The following JAKMIP1 variants were observed in gnomAD, a reference collection of about 807,000 sequenced individuals.
JAKMIP1 encodes the protein janus kinase and microtubule-interacting protein 1.
A neutral mutation model predicts 113.0 loss-of-function variants in JAKMIP1; 33 were observed. The observed-to-expected ratio is 0.29, with a 90% CI of 0.22 to 0.39. The LOEUF (loss-of-function observed/expected upper bound fraction) is 0.39. Among genes scored for constraint, JAKMIP1 ranks in the 10% least tolerant of loss-of-function variants. The probability of loss-of-function intolerance (pLI) is 1.00; values close to 1 mark genes in which losing one functional copy is unlikely to be tolerated. For synonymous variants in JAKMIP1, 480 were observed against 459.9 expected, an observed-to-expected ratio of 1.04 and a Z score of -0.56; for missense variants, 813 against 1,080.5, an observed-to-expected ratio of 0.75 and a Z score of 3.47.
intron 4 of JAKMIP1, 62 bp from the exon 5 acceptor site, chr4:6,085,027 G>GT (rs1173336679): frequency 1.1e-5 from 16 of 1,469,754 alleles, no homozygotes; most frequent in African/African-American, 1.5e-5. Flanking sequence ...AAGAAGTTGT[G>GT]TGGAGCCTTC....
At chr4:6,111,113 G>C (rs932571055) in intron 2 of JAKMIP1, among the ~76,000 whole-genome samples, 1 of 151,720 alleles carries the variant, frequency 6.6e-6, no homozygotes, top group Non-Finnish European at 1.5e-5. Flanking sequence ...TGGCCATCCT[G>C]AGCTGGGGTT....
rs1268424902 is a variant in JAKMIP1 at position 6,141,796 on chromosome 4, G to A, written c.-147-28799C>T. ...CTGTCCACTCTTCGGCAACCTCCCT[G>A]GCCACTGAGCAGCCCGGTGGGAGCG... On this transcript the variant is annotated intron_variant, in intron 1 of 20. Coordinates refer to ENST00000409021, the MANE Select transcript of JAKMIP1 (RefSeq NM_001099433.2). The surrounding 1 kb of genome is among the most constrained non-coding windows in gnomAD (Gnocchi z 9.4). Among the ~76,000 whole-genome samples, 5 of 152,278 alleles carry A rather than the reference G, an allele frequency of 3.3e-5. No individual in the cohort carries two copies. In the East Asian group the frequency reaches 9.7e-4, roughly 29 times the overall value.
chr4:6,064,924 T>G lies in JAKMIP1; in HGVS notation c.1387A>C (p.Arg463=). 1 of 1,614,174 alleles carries G rather than the reference T, an allele frequency of 6.2e-7. No individual in the cohort carries two copies. Among genetic ancestry groups the G allele is most frequent in the Non-Finnish European group, 8.5e-7 (1 of 1,180,040 alleles). Residue 463 remains arginine (R), a synonymous_variant, in exon 9 of 21, where the codon AGG becomes CGG. Transcript: ENST00000409021. This position sits in a 1 kb window ranked among gnomAD's most constrained non-coding sequence, Gnocchi z 4.3. ...GGCGTGGCTGGGGTCCTGTCTGTCC[T>G]GTCTGTGTTGTAGGATGTTTCGGAC... The part of the protein sequence containing the change: ...TLSETSYNTD[R]TDRTPATPEE...
chr4:6,165,695 T>C (rs939737788), intron 1 of JAKMIP1, among the ~76,000 whole-genome samples: 1 of 152,238 alleles, frequency 6.6e-6, no homozygotes, highest in Non-Finnish European at 1.5e-5. Flanking sequence ...AACATAACTT[T>C]TACAGGCACT....
At chr4:6,160,836 C>T (rs1005447603) in intron 1 of JAKMIP1, among the ~76,000 whole-genome samples, 1 of 151,902 alleles carries the variant, frequency 6.6e-6, no homozygotes, top group Non-Finnish European at 1.5e-5. Context: ...CTGACCTCCA[C>T]TCACCTCCCC....
rs369974119 is a variant in JAKMIP1 at position 6,175,941 on chromosome 4, G to A, written c.-148+24312C>T. The stretch of plus-strand genomic sequence containing the variant: ...TAGCAGAGATAACGGTGCTACCACT[G>A]TCCACAGGGCTGTAAATTGAGAATC... On this transcript the variant is annotated intron_variant, in intron 1 of 20. Coordinates refer to ENST00000409021, the MANE Select transcript of JAKMIP1 (RefSeq NM_001099433.2). 3.9e-5 allele frequency among the ~76,000 whole-genome samples: 6 copies of A among 152,300 alleles called. No individual in the cohort carries two copies. The East Asian group carries it at 7.7e-4, about 20-fold the overall frequency.
At chr4:6,115,874 C>T (rs1307525042) in intron 1 of JAKMIP1, among the ~76,000 whole-genome samples, 1 of 152,142 alleles carries the variant, frequency 6.6e-6, no homozygotes, top group African/African-American at 2.4e-5. Flanking sequence ...TTTGGGCTGC[C>T]GGTGGGGGAA....
At chr4:6,113,934 A>ATGAG (rs35210094) in intron 1 of JAKMIP1, among the ~76,000 whole-genome samples, 1 of 152,116 alleles carries the variant, frequency 6.6e-6, no homozygotes, top group East Asian at 1.9e-4. Flanking sequence ...GCGTGAATGA[A>ATGAG]TGAGTGAGTG....
At position 6,094,242 on chromosome 4, in the gene JAKMIP1, C is replaced by A. The variant is rs111806990; in HGVS notation, c.625-8613G>T. On this transcript the variant is annotated intron_variant, in intron 3 of 20. Coordinates refer to ENST00000409021, the MANE Select transcript of JAKMIP1 (RefSeq NM_001099433.2). The surrounding 1 kb of genome is among the most constrained non-coding windows in gnomAD (Gnocchi z 4.2). ...CTGTGCTAGCCCTGGGTCTAGCTCA[C>A]AGCAGGTGCTCACCAAATGGAGTGC... 8.7e-3 allele frequency among the ~76,000 whole-genome samples: 1,319 copies of A among 152,334 alleles called. 18 individuals carry two copies. The highest frequency in any genetic ancestry group is 0.03 in the African/African-American group (1,240 of 41,558).
rs1253148143 is a variant in JAKMIP1 at position 6,116,812 on chromosome 4, T to C, written c.-147-3815A>G. ...ATGAATACATAAAACAATGATGGCT[T>C]GTGGTAGGTGCTGGAAAGAACAAGT... is the stretch of plus-strand genomic sequence containing the variant. On this transcript the variant is annotated intron_variant, in intron 1 of 20. Transcript: ENST00000409021. This position sits in a 1 kb window ranked among gnomAD's most constrained non-coding sequence, Gnocchi z 5.1. Among the ~76,000 whole-genome samples the C allele has an allele frequency of 6.6e-6, 1 of 152,134 alleles. No individual in the cohort carries two copies. Among genetic ancestry groups the C allele is most frequent in the Non-Finnish European group, 1.5e-5 (1 of 68,018 alleles).
In JAKMIP1 at chr4:6,199,598, C is replaced by T. The variant is rs1039733441; in HGVS notation, c.-148+655G>A. 1.3e-5 allele frequency among the ~76,000 whole-genome samples: 2 copies of T among 152,040 alleles called. No homozygotes were observed. Among genetic ancestry groups the T allele is most frequent in the African/African-American group, 4.8e-5 (2 of 41,444 alleles). The stretch of plus-strand genomic sequence containing the variant: ...GGCAGGAGGGTGGGTGCCAGCCTTT[C>T]TTCCCATCTCTCGAGCCTCCTCCCC... On this transcript the variant is annotated intron_variant, in intron 1 of 20. Transcript: ENST00000409021. This position sits in a 1 kb window ranked among gnomAD's most constrained non-coding sequence, Gnocchi z 5.6.
At chr4:6,109,074 T>C (rs899543391) in intron 2 of JAKMIP1, among the ~76,000 whole-genome samples, 5 of 151,072 alleles carry the variant, frequency 3.3e-5, no homozygotes, top group African/African-American at 1.2e-4. Flanking sequence ...TTAGAGAAAC[T>C]GCTGGGTCTA....
At chr4:6,096,401 G>T (rs967083330) in intron 3 of JAKMIP1, among the ~76,000 whole-genome samples, 1 of 152,146 alleles carries the variant, frequency 6.6e-6, no homozygotes, top group Admixed American at 6.5e-5. Context: ...TATACACTGA[G>T]GATGTTAACC....
intron 19 of JAKMIP1, among the ~76,000 whole-genome samples, chr4:6,034,773 C>T (rs139371269): frequency 6.6e-6 from 1 of 152,150 alleles, no homozygotes; most frequent in African/African-American, 2.4e-5. Flanking sequence ...TACACTCCAG[C>T]CTGGGTGATA....
Position 6,061,789 on chromosome 4 carries a change from C to T in JAKMIP1, c.1560+523G>A, listed in dbSNP as rs919640318. ...AGCAGGCCCCAGTCTATGTGACTCC[C>T]GAAGGTGGGAGAAGGGCCAGTGGAT... On this transcript the variant is annotated intron_variant, in intron 10 of 20. Coordinates refer to ENST00000409021, the MANE Select transcript of JAKMIP1 (RefSeq NM_001099433.2). This position sits in a 1 kb window ranked among gnomAD's most constrained non-coding sequence, Gnocchi z 5.3. Among the ~76,000 whole-genome samples the T allele has an allele frequency of 9.9e-5, 15 of 152,140 alleles. No individual in the cohort carries two copies. The highest frequency in any genetic ancestry group is 5.9e-4 in the Admixed American group (9 of 15,272).
chr4:6,084,733 T>C lies in JAKMIP1; in HGVS notation c.954+113A>G, dbSNP rs770162110. 320 of 1,129,626 alleles carry C rather than the reference T, an allele frequency of 2.8e-4. 1 individual carries two copies. Among genetic ancestry groups the C allele is most frequent in the Middle Eastern group, 2.1e-3 (10 of 4,694 alleles). The allele number at this position is 1,129,626 out of a possible 1,614,324, so 70.0% of individuals were successfully genotyped here. On this transcript the variant is annotated intron_variant, in intron 5 of 20. Coordinates refer to ENST00000409021, the MANE Select transcript of JAKMIP1 (RefSeq NM_001099433.2). ...AATCGAAAAGAAGTAAGAAGGAAAGTTCAGAGAACCAGAAGGCTTCTGCAT... is the reference window on the plus strand; with the variant it reads ...AATCGAAAAGAAGTAAGAAGGAAAGCTCAGAGAACCAGAAGGCTTCTGCAT...
At chr4:6,161,218 C>T (rs1299953479) in intron 1 of JAKMIP1, among the ~76,000 whole-genome samples, 1 of 143,252 alleles carries the variant, frequency 7.0e-6, no homozygotes. Context: ...GATCTCCACT[C>T]ATCTCCCTGA....
rs1486506049 is a variant in JAKMIP1 at position 6,108,122 on chromosome 4, G to C, written c.130-2155C>G. 6.6e-6 allele frequency among the ~76,000 whole-genome samples: 1 copy of C among 152,146 alleles called. No individual in the cohort carries two copies. Among genetic ancestry groups the C allele is most frequent in the Non-Finnish European group, 1.5e-5 (1 of 68,022 alleles). On this transcript the variant is annotated intron_variant, in intron 2 of 20. Coordinates refer to ENST00000409021, the MANE Select transcript of JAKMIP1 (RefSeq NM_001099433.2). This position sits in a 1 kb window ranked among gnomAD's most constrained non-coding sequence, Gnocchi z 5.6. ...TGGTGATCCAGGTGTGTAGGGCAGG[G>C]ATGGTGACAGAGAGGCAGGGGCCTG... is the stretch of plus-strand genomic sequence containing the variant.
chr4:6,170,346 TCACCAC>T lies in JAKMIP1; in HGVS notation c.-148+29901_-148+29906del, dbSNP rs376955827. Among the ~76,000 whole-genome samples the T allele has an allele frequency of 8.0e-5, 3 of 37,312 alleles. No individual in the cohort carries two copies. The Admixed American group carries it at 9.8e-4, about 12-fold the overall frequency. 24.5% of individuals were successfully genotyped at this position (37,312 alleles called of 152,430 possible). A position where few individuals can be genotyped will look rare whatever the true frequency, so the allele number is the denominator to read the frequency against. ...ATCACCACCACTCTCCCCACCCTTC[TCACCAC>T]CACCACCACCACCTCTATCACCACC... On this transcript the variant is annotated intron_variant, in intron 1 of 20. Coordinates refer to ENST00000409021, the MANE Select transcript of JAKMIP1 (RefSeq NM_001099433.2).
Sources: gnomAD v4.1 joint callset for allele counts (sites outside exome capture counted in the v4.1 genomes callset) on GRCh38, gnomAD v4.1.1 for gene constraint, Gnocchi (gnomAD v3.1) non-coding constraint, MANE v1.5 for transcripts, NCBI Gene and HGNC (gene_info 2026-07-23, HGNC 2026-07-21) for gene names.